RAD54B: variants seen among roughly 807,000 people sequenced by gnomAD.
RAD54B encodes RAD54 homolog B, also known as DNA repair and recombination protein RAD54B.
RAD54B carries 78 observed loss-of-function variants against 95.8 expected under a neutral mutation model. That is an observed-to-expected ratio of 0.81 (90% CI 0.68 to 0.98). The LOEUF (loss-of-function observed/expected upper bound fraction) is 0.98. Among genes scored for constraint, RAD54B ranks in the 50% least tolerant of loss-of-function variants. The probability of loss-of-function intolerance (pLI) is 0.00; values close to 1 mark genes in which losing one functional copy is unlikely to be tolerated. For synonymous variants in RAD54B, 328 were observed against 354.9 expected (o/e 0.92, Z 0.85); for missense variants, 957 against 1,056.6 (o/e 0.91, Z 1.31).
chr8:94,448,280 T>A (rs897762953), intron 3 of RAD54B, among the ~76,000 whole-genome samples: 2 of 152,036 alleles, frequency 1.3e-5, no homozygotes, highest in African/African-American at 2.4e-5. Context: ...CCAAGCAAGA[T>A]CCTGTCTCCT....
Position 94,414,930 on chromosome 8 carries a change from G to A in RAD54B, c.305-3615C>T, listed in dbSNP as rs541432274. The stretch of plus-strand genomic sequence containing the variant: ...TAGGAAGAATCAATATTGTGAAAAC[G>A]GCCATACTGCCCAAAGTAATTCATA... On this transcript the variant is annotated intron_variant, in intron 3 of 14. Coordinates refer to ENST00000336148, the MANE Select transcript of RAD54B (RefSeq NM_012415.3). 5.9e-5 allele frequency among the ~76,000 whole-genome samples: 9 copies of A among 152,284 alleles called. No homozygotes were observed. The East Asian group carries it at 7.7e-4, about 13-fold the overall frequency.
intron 6 of RAD54B, among the ~76,000 whole-genome samples, 170 bp downstream of exon 6, chr8:94,403,907 C>T (rs1251815132): frequency 6.6e-6 from 1 of 152,136 alleles, no homozygotes; most frequent in Non-Finnish European, 1.5e-5. Context: ...CTATCAAGAA[C>T]CACTTTTGGA....
chr8:94,439,061 C>T (rs1182318318), intron 3 of RAD54B, among the ~76,000 whole-genome samples: 1 of 152,052 alleles, frequency 6.6e-6, no homozygotes, highest in Admixed American at 6.6e-5. Flanking sequence ...CACTGCACTC[C>T]AGCCTCGGTG....
intron 1 of RAD54B, chr8:94,467,815 T>C (rs1813068383): frequency 3.6e-6 from 1 of 275,906 alleles, no homozygotes; most frequent in Non-Finnish European, 6.8e-6. Flanking sequence ...GGAAGTTAGA[T>C]TGACAAAATG....
At chr8:94,443,135 G>A (rs1183212008) in intron 3 of RAD54B, among the ~76,000 whole-genome samples, 1 of 152,162 alleles carries the variant, frequency 6.6e-6, no homozygotes, top group Non-Finnish European at 1.5e-5. Flanking sequence ...ACAGGGACAA[G>A]ACAAAAAATC....
chr8:94,453,927 G>C (rs936946324), intron 3 of RAD54B, among the ~76,000 whole-genome samples: 1 of 152,008 alleles, frequency 6.6e-6, no homozygotes, highest in South Asian at 2.1e-4. Context: ...AAGTAGCTGG[G>C]ATTACAGGTG....
intron 7 of RAD54B, among the ~76,000 whole-genome samples, chr8:94,399,979 G>A (rs1014861481): frequency 2.0e-5 from 3 of 150,846 alleles, no homozygotes; most frequent in Non-Finnish European, 4.5e-5. Flanking sequence ...TCATCACGTG[G>A]CTCTACCCTC....
chr8:94,400,670 TAG>T (rs1278494064), intron 6 of RAD54B, among the ~76,000 whole-genome samples: 3 of 152,166 alleles, frequency 2.0e-5, no homozygotes, highest in African/African-American at 4.8e-5. Flanking sequence ...AATCTGAAAT[TAG>T]AGAGTTGAAT....
At chr8:94,392,843 G>GTTT (rs747421771) in intron 9 of RAD54B, among the ~76,000 whole-genome samples, 2 of 90,584 alleles carry the variant, frequency 2.2e-5, no homozygotes, top group African/African-American at 7.9e-5. Flanking sequence ...TTTTAGTTTT[G>GTTT]TTTTTTTTTT....
chr8:94,473,235 T>G (rs776023229), intron 1 of RAD54B, among the ~76,000 whole-genome samples: 5 of 152,230 alleles, frequency 3.3e-5, no homozygotes, highest in Admixed American at 6.5e-5. Context: ...GATGTGATGC[T>G]ACAACTTCTA....
intron 1 of RAD54B, among the ~76,000 whole-genome samples, chr8:94,474,233 A>G (rs1206757343): frequency 6.6e-6 from 1 of 152,238 alleles, no homozygotes; most frequent in African/African-American, 2.4e-5. Flanking sequence ...GGAAAGGAGG[A>G]GCAAGGGTTC....
At chr8:94,429,356 A>C (rs1240526464) in intron 3 of RAD54B, 2 of 602,502 alleles carry the variant, frequency 3.3e-6, no homozygotes, top group Non-Finnish European at 4.2e-6. Flanking sequence ...TTATTTTAGA[A>C]CCTAACCACC....
At chr8:94,393,534 A>G in intron 9 of RAD54B, 1 of 451,906 alleles carries the variant, frequency 2.2e-6, no homozygotes, top group Non-Finnish European at 3.9e-6. Context: ...TTATATGTTT[A>G]TTGTCATAAT....
At chr8:94,377,643 C>T (rs1810621114) in intron 14 of RAD54B, among the ~76,000 whole-genome samples, 1 of 145,514 alleles carries the variant, frequency 6.9e-6, no homozygotes, top group Non-Finnish European at 1.5e-5. Flanking sequence ...TTCAATTTTT[C>T]ACAAGTGATT....
chr8:94,429,139 G>C (rs1812019088), intron 3 of RAD54B: 5 of 982,298 alleles, frequency 5.1e-6, no homozygotes, highest in Non-Finnish European at 6.0e-6. Flanking sequence ...TGATTCTGGT[G>C]TTTAAAAATA....
At chr8:94,408,629 A>G (rs1019119696) in intron 4 of RAD54B, among the ~76,000 whole-genome samples, 7 of 152,134 alleles carry the variant, frequency 4.6e-5, no homozygotes, top group African/African-American at 1.7e-4. Context: ...TCTGTATTTA[A>G]TATATAGTCT....
intron 9 of RAD54B, among the ~76,000 whole-genome samples, chr8:94,393,150 T>C (rs1811062341): frequency 6.6e-6 from 1 of 152,192 alleles, no homozygotes; most frequent in Non-Finnish European, 1.5e-5. Flanking sequence ...ATGTACTTTT[T>C]TTTATAATAA....
chr8:94,429,162 T>C (rs1812020138), intron 3 of RAD54B: 2 of 953,516 alleles, frequency 2.1e-6, no homozygotes, highest in Admixed American at 6.2e-5. Flanking sequence ...TAAAAATAGG[T>C]TTCTTATTGT....
At chr8:94,389,151 C>G (rs547257980) in intron 10 of RAD54B, among the ~76,000 whole-genome samples, 6 of 152,122 alleles carry the variant, frequency 3.9e-5, no homozygotes, top group Non-Finnish European at 8.8e-5. Context: ...GACAGGGCCT[C>G]ATTATGTTGC....
Sources: allele counts gnomAD v4.1 joint callset (sites outside exome capture counted in the v4.1 genomes callset), GRCh38; gene constraint gnomAD v4.1.1; transcripts MANE v1.5; gene names NCBI Gene and HGNC (gene_info 2026-07-23, HGNC 2026-07-21).